Variants in PDE4B observed in about 807,000 individuals in gnomAD.
PDE4B encodes the protein 3',5'-cyclic-AMP phosphodiesterase 4B.
In PDE4B, 20 loss-of-function variants were observed where a neutral mutation model predicts 82.2. The ratio of observed to expected loss-of-function variants is 0.24; its 90% CI spans 0.17 to 0.35. The LOEUF (loss-of-function observed/expected upper bound fraction) is 0.35, where lower values mean the gene tolerates loss of function less well. Among genes scored for constraint, PDE4B ranks in the 10% least tolerant of loss-of-function variants. PDE4B has a pLI of 1.00. For missense variants in PDE4B, 655 were observed against 907.2 expected, an observed-to-expected ratio of 0.72 and a Z score of 3.57; for synonymous variants, 320 against 318.9, an observed-to-expected ratio of 1.00 and a Z score of -0.04.
chr1:66,007,793 A>G (rs1652234630), intron 3 of PDE4B, among the ~76,000 whole-genome samples: 1 of 152,176 alleles, frequency 6.6e-6, no homozygotes, highest in Non-Finnish European at 1.5e-5. Context: ...CAATTACATC[A>G]TATATTTCTT....
intron 3 of PDE4B, among the ~76,000 whole-genome samples, chr1:66,060,204 A>T (rs1181915684): frequency 6.6e-6 from 1 of 152,216 alleles, no homozygotes; most frequent in African/African-American, 2.4e-5. Flanking sequence ...AAGCTTCAGG[A>T]TTAAATTTTG....
intron 3 of PDE4B, among the ~76,000 whole-genome samples, chr1:66,167,204 A>G (rs1034067282): frequency 2.2e-5 from 3 of 137,402 alleles, no homozygotes; most frequent in African/African-American, 7.4e-5. Context: ...CTATGTTTAT[A>G]TACCAGAAAA....
intron 4 of PDE4B, among the ~76,000 whole-genome samples, chr1:66,255,663 A>T (rs568709658): frequency 1.1e-3 from 169 of 152,324 alleles, no homozygotes; most frequent in African/African-American, 3.6e-3. Flanking sequence ...CTGCTCACTC[A>T]ATCAAGACTT....
intron 3 of PDE4B, among the ~76,000 whole-genome samples, chr1:66,113,710 T>G (rs1411988043): frequency 6.6e-6 from 1 of 152,218 alleles, no homozygotes; most frequent in African/African-American, 2.4e-5. Context: ...TATATTTACT[T>G]TATATACTAT....
At chr1:66,327,442 T>C (rs1659820402) in intron 7 of PDE4B, among the ~76,000 whole-genome samples, 1 of 152,196 alleles carries the variant, frequency 6.6e-6, no homozygotes, top group Admixed American at 6.5e-5. Flanking sequence ...AAATGTGAGA[T>C]TTTTTATCAT....
intron 12 of PDE4B, among the ~76,000 whole-genome samples, chr1:66,364,562 A>G (rs1266366815): frequency 1.3e-5 from 2 of 152,172 alleles, no homozygotes; most frequent in African/African-American, 2.4e-5. Flanking sequence ...TTACAGATTC[A>G]GTTTGGAAGG....
intron 3 of PDE4B, among the ~76,000 whole-genome samples, chr1:66,214,363 A>C (rs566822441): frequency 8.3e-4 from 126 of 152,080 alleles, no homozygotes; most frequent in African/African-American, 2.9e-3. Flanking sequence ...ACTTTGAGAG[A>C]TTTTTGAAGA....
chr1:66,114,855 C>T (rs908138800), intron 3 of PDE4B, among the ~76,000 whole-genome samples: 5 of 152,036 alleles, frequency 3.3e-5, no homozygotes, highest in Admixed American at 6.6e-5. Context: ...AGGCCGGTCT[C>T]GAACTCCTGA....
At chr1:65,829,811 T>C (rs1428105753) in intron 1 of PDE4B, among the ~76,000 whole-genome samples, 1 of 152,182 alleles carries the variant, frequency 6.6e-6, no homozygotes, top group African/African-American at 2.4e-5. Flanking sequence ...TGAACCATGT[T>C]GTATTAGGTT....
intron 1 of PDE4B, among the ~76,000 whole-genome samples, chr1:65,883,083 G>A (rs1488966910): frequency 6.6e-6 from 1 of 152,104 alleles, no homozygotes; most frequent in Non-Finnish European, 1.5e-5. Flanking sequence ...TGCTTCATAG[G>A]TTAAGAGAAT....
At chr1:65,811,981 AC>A (rs951628380) in intron 1 of PDE4B, among the ~76,000 whole-genome samples, 5 of 152,148 alleles carry the variant, frequency 3.3e-5, no homozygotes, top group African/African-American at 7.2e-5. Context: ...ACCAAAAAAA[AC>A]CCCAGGACCA....
At chr1:65,929,277 C>T (rs549530043) in intron 3 of PDE4B, among the ~76,000 whole-genome samples, 49 of 152,268 alleles carry the variant, frequency 3.2e-4, no homozygotes, top group African/African-American at 1.2e-3. Context: ...CTGATGGCAG[C>T]ATGGGTCGGG....
intron 3 of PDE4B, chr1:65,992,830 T>G (rs1027794429): frequency 1.3e-6 from 2 of 1,541,274 alleles, no homozygotes; most frequent in Non-Finnish European, 1.7e-6. Flanking sequence ...CTTATCAGTC[T>G]TCTGACCTGC....
intron 4 of PDE4B, among the ~76,000 whole-genome samples, chr1:66,251,386 C>T (rs1179233722): frequency 1.3e-5 from 2 of 152,156 alleles, no homozygotes; most frequent in African/African-American, 4.8e-5. Context: ...AGTATGTAAA[C>T]AGACTCTAAG....
chr1:65,911,961 C>T (rs1460950775), intron 1 of PDE4B, among the ~76,000 whole-genome samples: 1 of 152,026 alleles, frequency 6.6e-6, no homozygotes, highest in Non-Finnish European at 1.5e-5. Context: ...TTTCATCATG[C>T]TGTTAATCTA....
intron 3 of PDE4B, among the ~76,000 whole-genome samples, chr1:66,204,208 G>A (rs899569512): frequency 2.6e-5 from 4 of 152,208 alleles, no homozygotes; most frequent in Non-Finnish European, 4.4e-5. Context: ...TCCTCTGGAA[G>A]TTTTGTCTAA....
intron 3 of PDE4B, among the ~76,000 whole-genome samples, chr1:66,024,014 A>G (rs931192230): frequency 6.6e-6 from 1 of 152,072 alleles, no homozygotes; most frequent in Admixed American, 6.6e-5. Flanking sequence ...AATAATGTGA[A>G]TTGTTTCAGG....
intron 8 of PDE4B, among the ~76,000 whole-genome samples, chr1:66,353,103 C>G (rs927501998): frequency 1.2e-4 from 18 of 152,134 alleles, no homozygotes; most frequent in African/African-American, 3.9e-4. Flanking sequence ...AAATGAGAGG[C>G]CATTGTGACT....
At chr1:66,091,929 T>C (rs1645033562) in intron 3 of PDE4B, among the ~76,000 whole-genome samples, 1 of 152,088 alleles carries the variant, frequency 6.6e-6, no homozygotes, top group Non-Finnish European at 1.5e-5. Flanking sequence ...ATATATCTAA[T>C]ATCCATAATA....
Sources: allele counts gnomAD v4.1 joint callset (sites outside exome capture counted in the v4.1 genomes callset), GRCh38; gene constraint gnomAD v4.1.1; transcripts MANE v1.5; gene names NCBI Gene and HGNC (gene_info 2026-07-23, HGNC 2026-07-21).